Variants in MYH11 observed in about 807,000 individuals in gnomAD.
MYH11 encodes the protein myosin heavy chain 11.
In MYH11, 80 loss-of-function variants were observed where a neutral mutation model predicts 246.6. The observed-to-expected ratio is 0.32, with a 90% CI of 0.27 to 0.39. The LOEUF (loss-of-function observed/expected upper bound fraction) is 0.39. Among genes scored for constraint, MYH11 ranks in the 10% least tolerant of loss-of-function variants. The pLI is 1.00. For missense variants in MYH11, 2,158 were observed against 2,546.8 expected (o/e 0.85, Z 3.29); for synonymous variants, 1,071 against 1,015.5 (o/e 1.05, Z -1.04).
At chr16:15,714,682 G>A (rs939211719) in intron 40 of MYH11, 4 of 616,716 alleles carry the variant, frequency 6.5e-6, no homozygotes, top group Middle Eastern at 4.4e-4. Flanking sequence ...ACGGTCGATC[G>A]TTAAAGGATC....
Position 15,704,047 on chromosome 16 carries a change from C to G in MYH11, c.5863G>C (p.Glu1955Gln). The G allele has an allele frequency of 6.2e-7, 1 of 1,614,108 alleles. No individual in the cohort carries two copies. Among genetic ancestry groups the G allele is most frequent in the Non-Finnish European group, 8.5e-7 (1 of 1,180,044 alleles). ...GCGTCTCGAGTGTCCGTTTCCTCCT[C>G]AGAACCATCTGCATTTTCAATAACT... ...RRVIENADGS[E>Q]EETDTRDADF... is the part of the protein sequence containing the mutation. The change falls in exon 41 of 41, where the codon GAG (glutamate) becomes CAG (glutamine). Residue 1955 changes from glutamate to glutamine, a missense_variant. Glu to Gln is a conservative substitution (Grantham distance 29, BLOSUM62 2). This residue lies in a region of MYH11 where 1,013 missense variants were observed against 993.5 expected (regional missense o/e 1.02). Coordinates refer to ENST00000300036, the MANE Select transcript of MYH11 (RefSeq NM_002474.3).
chr16:15,790,325 A>G (rs375043430), intron 4 of MYH11, among the ~76,000 whole-genome samples: 72 of 138,870 alleles, frequency 5.2e-4, no homozygotes, highest in African/African-American at 2.2e-3. Flanking sequence ...CAAACAAACA[A>G]ACAAACAGAC....
intron 4 of MYH11, among the ~76,000 whole-genome samples, chr16:15,788,339 T>A (rs369427926): frequency 6.6e-6 from 1 of 151,984 alleles, no homozygotes; most frequent in African/African-American, 2.4e-5. Flanking sequence ...CTCTAAAATA[T>A]AAGAGAGTTT....
chr16:15,721,378 G>C, intron 32 of MYH11, 44 bp downstream of exon 32: 1 of 1,592,316 alleles, frequency 6.3e-7, no homozygotes, highest in African/African-American at 1.3e-5. Context: ...ACAGAGGGTG[G>C]GCAGGCGAAA....
chr16:15,733,813 G>A (rs539614269), intron 26 of MYH11, among the ~76,000 whole-genome samples: 1 of 152,188 alleles, frequency 6.6e-6, no homozygotes, highest in African/African-American at 2.4e-5. Flanking sequence ...AAAGTGCTGG[G>A]ATTACAGGCA....
intron 1 of MYH11, among the ~76,000 whole-genome samples, chr16:15,854,192 C>T (rs755614962): frequency 2.0e-5 from 3 of 152,128 alleles, no homozygotes; most frequent in Non-Finnish European, 4.4e-5. Flanking sequence ...TTAAGAGAAG[C>T]TTCTCCTTTA....
chr16:15,815,716 C>A (rs1224498878), intron 3 of MYH11, among the ~76,000 whole-genome samples: 2 of 152,104 alleles, frequency 1.3e-5, no homozygotes, highest in Non-Finnish European at 2.9e-5. Flanking sequence ...GGACTCATAG[C>A]AAGTCCCATC....
chr16:15,843,597 G>T (rs970150467), intron 1 of MYH11, among the ~76,000 whole-genome samples: 3 of 151,794 alleles, frequency 2.0e-5, no homozygotes, highest in Non-Finnish European at 4.4e-5. Context: ...GGAGGCTGAG[G>T]CAGGAGAATG....
At position 15,740,155 on chromosome 16, in the gene MYH11, C is replaced by A. The variant is rs113696032; in HGVS notation, c.2893G>T (p.Ala965Ser). The A allele has an allele frequency of 2.9e-4, 476 of 1,614,100 alleles. No homozygotes were observed. The highest frequency in any genetic ancestry group is 3.7e-4 in the Non-Finnish European group (439 of 1,180,042). Residue 965 changes from alanine (A) to serine (S), a missense_variant, in exon 23 of 41, where the codon GCC (alanine) becomes TCC (serine). Ala to Ser is a moderately conservative substitution (Grantham distance 99). This residue lies in a region of MYH11 where 284 missense variants were observed against 315.4 expected (regional missense o/e 0.90). Coordinates refer to ENST00000300036, the MANE Select transcript of MYH11 (RefSeq NM_002474.3). Reference sequence around the variant, plus strand: ...TTCTCAAGTTGCAGCTTCTGCCTGGCAGCTTCCTCCTCCTCCAGCTGTTCT... The same window carrying A: ...TTCTCAAGTTGCAGCTTCTGCCTGGAAGCTTCCTCCTCCTCCAGCTGTTCT... ...LEEQLEEEEA[A>S]RQKLQLEKVT...
Position 15,750,430 on chromosome 16 carries a change from A to G in MYH11, c.1865-99T>C. 8 of 1,193,564 alleles carry G rather than the reference A, an allele frequency of 6.7e-6. No individual in the cohort carries two copies. Among genetic ancestry groups the G allele is most frequent in the African/African-American group, 1.5e-5 (1 of 65,376 alleles). 73.9% of individuals were successfully genotyped at this position (1,193,564 alleles called of 1,614,324 possible). A position where few individuals can be genotyped will look rare whatever the true frequency, so the allele number is the denominator to read the frequency against. On this transcript the variant is annotated intron_variant, in intron 15 of 40. Coordinates refer to ENST00000300036, the MANE Select transcript of MYH11 (RefSeq NM_002474.3). This position sits in a 1 kb window ranked among gnomAD's most constrained non-coding sequence, Gnocchi z 4.3. ...CCCCACCCACCAACCTGCCCACTCC[A>G]ATCTTTCCTTCCATCACCAACGCCT...
intron 26 of MYH11, among the ~76,000 whole-genome samples, 165 bp downstream of exon 26, chr16:15,735,201 A>G (rs138406330): frequency 3.9e-5 from 6 of 152,122 alleles, no homozygotes; most frequent in South Asian, 2.1e-4. Context: ...AAGAAAGAAA[A>G]AAAAGAAACA....
intron 2 of MYH11, 49 bp downstream of exon 2, chr16:15,837,859 C>CT: frequency 6.5e-7 from 1 of 1,544,338 alleles, no homozygotes; most frequent in Non-Finnish European, 9.0e-7. Flanking sequence ...CTAATGCCTA[C>CT]TTTCCTTATG....
At chr16:15,753,589 T>C in intron 14 of MYH11, 81 bp from the exon 15 acceptor site, 3 of 1,056,654 alleles carry the variant, frequency 2.8e-6, no homozygotes, top group South Asian at 2.6e-5. Flanking sequence ...GCCCTCCCAT[T>C]GTCCTTCCAG....
In MYH11 at chr16:15,750,478, A is replaced by C. The variant is rs2041538757; in HGVS notation, c.1865-147T>G. On this transcript the variant is annotated intron_variant, in intron 15 of 40. Transcript: ENST00000300036. This position sits in a 1 kb window ranked among gnomAD's most constrained non-coding sequence, Gnocchi z 4.3. ...CCTCCTTCGGCAGTCAGGGTTTCCA[A>C]GTATTGTCTATTGGGGAAATCCTGA... The C allele has an allele frequency of 3.8e-6, 3 of 797,366 alleles. No homozygotes were observed. The highest frequency in any genetic ancestry group is 6.1e-6 in the Non-Finnish European group (3 of 492,680). 49.4% of individuals were successfully genotyped at this position (797,366 alleles called of 1,614,324 possible).
chr16:15,829,426 A>G (rs2043667344), intron 2 of MYH11, among the ~76,000 whole-genome samples: 1 of 152,122 alleles, frequency 6.6e-6, no homozygotes, highest in Non-Finnish European at 1.5e-5. Flanking sequence ...TGAAGGTAAG[A>G]CTGGTGCAGG....
chr16:15,797,803 G>C (rs1382914523), intron 4 of MYH11, among the ~76,000 whole-genome samples: 1 of 152,004 alleles, frequency 6.6e-6, no homozygotes, highest in Non-Finnish European at 1.5e-5. Context: ...CTACCTTCTA[G>C]TTTCAACTCT....
At chr16:15,756,251 C>G in intron 14 of MYH11, 90 bp downstream of exon 14, 1 of 1,450,140 alleles carries the variant, frequency 6.9e-7, no homozygotes, top group Non-Finnish European at 9.5e-7. Flanking sequence ...TCCAGGCAGC[C>G]CAAGGTTCTG....
chr16:15,725,042 C>A, intron 28 of MYH11, 50 bp from the exon 29 acceptor site: 1 of 1,514,988 alleles, frequency 6.6e-7, no homozygotes, highest in Non-Finnish European at 9.1e-7. Flanking sequence ...AGGGGATCCT[C>A]GTTGAAAGGA....
chr16:15,812,175 G>A (rs2043152951), intron 3 of MYH11, among the ~76,000 whole-genome samples: 1 of 152,108 alleles, frequency 6.6e-6, no homozygotes, highest in African/African-American at 2.4e-5. Flanking sequence ...TCCGGCTTTG[G>A]AGTCAGGATA....
Sources: allele counts gnomAD v4.1 joint callset (sites outside exome capture counted in the v4.1 genomes callset), GRCh38; gene constraint gnomAD v4.1.1; regional missense constraint gnomAD v4.1.1; non-coding constraint Gnocchi (gnomAD v3.1); transcripts MANE v1.5; gene names NCBI Gene and HGNC (gene_info 2026-07-23, HGNC 2026-07-21).